Variants in ZFHX3 observed in about 807,000 individuals in gnomAD.
The protein encoded by ZFHX3 is zinc finger homeobox 3.
In ZFHX3, 42 loss-of-function variants were observed where a neutral mutation model predicts 279.1. The ratio of observed to expected loss-of-function variants is 0.15; its 90% CI spans 0.12 to 0.19. ZFHX3 has a LOEUF of 0.19. Among genes scored for constraint, ZFHX3 ranks in the 10% least tolerant of loss-of-function variants. The pLI is 1.00. For synonymous variants in ZFHX3, 2,293 were observed against 1,957.8 expected (o/e 1.17, Z -4.52); for missense variants, 4,981 against 4,754.0 (o/e 1.05, Z -1.40).
chr16:73,704,766 A>T (rs1324271935), intron 1 of ZFHX3, among the ~76,000 whole-genome samples: 1 of 152,206 alleles, frequency 6.6e-6, no homozygotes, highest in Non-Finnish European at 1.5e-5. Flanking sequence ...ATGATTTGTG[A>T]TCAAGCCAGT....
At chr16:73,618,564 G>C (rs945227128) in intron 2 of ZFHX3, among the ~76,000 whole-genome samples, 2 of 152,196 alleles carry the variant, frequency 1.3e-5, no homozygotes, top group Non-Finnish European at 2.9e-5. Context: ...ACCTTATGGA[G>C]AGATAAAAGA....
chr16:73,238,954 C>T (rs1351022951), intron 5 of ZFHX3, among the ~76,000 whole-genome samples: 1 of 152,128 alleles, frequency 6.6e-6, no homozygotes, highest in Non-Finnish European at 1.5e-5. Context: ...GGGTTACGTG[C>T]TACTGCAAGA....
At chr16:73,518,132 C>T (rs1003678202) in intron 2 of ZFHX3, among the ~76,000 whole-genome samples, 2 of 152,086 alleles carry the variant, frequency 1.3e-5, no homozygotes, top group Admixed American at 6.5e-5. Flanking sequence ...TTCAGGTGCT[C>T]GTTAGCCACA....
At chr16:73,796,846 G>T (rs1285576740) in intron 1 of ZFHX3, among the ~76,000 whole-genome samples, 1 of 152,178 alleles carries the variant, frequency 6.6e-6, no homozygotes, top group African/African-American at 2.4e-5. Context: ...CTTCCTTGTT[G>T]GGGCTGTAAC....
At chr16:73,595,206 A>C (rs752190228) in intron 2 of ZFHX3, among the ~76,000 whole-genome samples, 68 of 152,068 alleles carry the variant, frequency 4.5e-4, no homozygotes, top group Non-Finnish European at 8.1e-4. Context: ...CCTGTTACCC[A>C]AGCTCAAGAC....
intron 1 of ZFHX3, among the ~76,000 whole-genome samples, chr16:73,724,139 A>G: frequency 6.6e-6 from 1 of 152,196 alleles, no homozygotes; most frequent in African/African-American, 2.4e-5. Flanking sequence ...AAATATTTAA[A>G]TGTCCTTTCT....
intron 2 of ZFHX3, among the ~76,000 whole-genome samples, chr16:73,636,277 G>C (rs923709062): frequency 4.6e-5 from 7 of 152,136 alleles, no homozygotes; most frequent in African/African-American, 1.7e-4. Context: ...TCAACATAAT[G>C]AAGGATATTT....
In ZFHX3 at chr16:72,959,441, G is replaced by A. The variant is rs777145485; in HGVS notation, c.705C>T (p.Asp235=). The A allele has an allele frequency of 3.8e-5, 62 of 1,614,228 alleles. No homozygotes were observed. The highest frequency in any genetic ancestry group is 5.0e-5 in the Admixed American group (3 of 60,036). ...AATCCTTGTTGCTTTTGTGTCGCAC[G>A]TCAAACACGCGGAAGCTGTGCAGGA... ...SPVLHSFRVF[D]VRHKSNKDYL... Residue 235 remains aspartate (D), a synonymous_variant, in exon 2 of 10, where the codon GAC becomes GAT. Coordinates refer to ENST00000268489, the MANE Select transcript of ZFHX3 (RefSeq NM_006885.4).
At chr16:73,414,835 GAAACAAAACA>G (rs547434631) in intron 3 of ZFHX3, among the ~76,000 whole-genome samples, 1 of 152,148 alleles carries the variant, frequency 6.6e-6, no homozygotes, top group African/African-American at 2.4e-5. Flanking sequence ...GATCCCGTCT[GAAACAAAACA>G]AAACAAAACA....
chr16:73,549,834 A>G (rs1249853172), intron 2 of ZFHX3, among the ~76,000 whole-genome samples: 5 of 150,130 alleles, frequency 3.3e-5, no homozygotes, highest in Admixed American at 6.6e-5. Flanking sequence ...CTTTTTCTGG[A>G]TCGGACGAGC....
chr16:73,853,431 G>A (rs1166422977), intron 1 of ZFHX3, among the ~76,000 whole-genome samples: 1 of 152,092 alleles, frequency 6.6e-6, no homozygotes. Context: ...ATCAACCTAA[G>A]TATCCATCAA....
chr16:72,911,467 C>T lies in ZFHX3; in HGVS notation c.3217-21505G>A, dbSNP rs542679700. ...CATCTTTTTCCTTCGGAAAACTTACCTTCCTAATTAGGGCTTGCTGAATGC... is the reference window on the plus strand; with the variant it reads ...CATCTTTTTCCTTCGGAAAACTTACTTTCCTAATTAGGGCTTGCTGAATGC... On this transcript the variant is annotated intron_variant, in intron 3 of 9. Transcript: ENST00000268489. Among the ~76,000 whole-genome samples the T allele has an allele frequency of 2.0e-5, 3 of 152,222 alleles. No individual in the cohort carries two copies. The South Asian group carries it at 6.2e-4, about 32-fold the overall frequency.
chr16:73,329,603 T>G (rs1441491593), intron 3 of ZFHX3, among the ~76,000 whole-genome samples: 1 of 152,308 alleles, frequency 6.6e-6, no homozygotes, highest in East Asian at 1.9e-4. Context: ...ACTTATGACA[T>G]GTAATTGGTG....
At chr16:73,536,649 A>G (rs1177675031) in intron 2 of ZFHX3, among the ~76,000 whole-genome samples, 1 of 152,174 alleles carries the variant, frequency 6.6e-6, no homozygotes, top group Non-Finnish European at 1.5e-5. Context: ...TGTGTGTGCC[A>G]CCTAAAATGA....
chr16:73,855,966 A>G (rs1411303096), intron 1 of ZFHX3, among the ~76,000 whole-genome samples: 1 of 152,208 alleles, frequency 6.6e-6, no homozygotes, highest in Non-Finnish European at 1.5e-5. Context: ...TCAATACCCA[A>G]TAAACAGGGA....
intron 5 of ZFHX3, among the ~76,000 whole-genome samples, chr16:73,155,446 C>T (rs1429898254): frequency 6.6e-6 from 1 of 152,126 alleles, no homozygotes; most frequent in African/African-American, 2.4e-5. Flanking sequence ...CCTCAGCTTT[C>T]CATGGAAGTG....
intron 2 of ZFHX3, among the ~76,000 whole-genome samples, chr16:73,548,493 A>G (rs1179308077): frequency 6.6e-6 from 1 of 151,808 alleles, no homozygotes; most frequent in Non-Finnish European, 1.5e-5. Context: ...AAAAAGTGCA[A>G]TTATATAATA....
chr16:73,364,643 C>A (rs2016497771), intron 3 of ZFHX3, among the ~76,000 whole-genome samples: 1 of 152,150 alleles, frequency 6.6e-6, no homozygotes, highest in Admixed American at 6.5e-5. Context: ...GTCATCACGA[C>A]TCTAGCTGGT....
chr16:73,288,703 G>C (rs913593748), intron 4 of ZFHX3, among the ~76,000 whole-genome samples: 1 of 152,038 alleles, frequency 6.6e-6, no homozygotes, highest in Non-Finnish European at 1.5e-5. Flanking sequence ...TTCTGCAGCA[G>C]CTGCTGCCGC....
Sources: gnomAD v4.1 joint callset for allele counts (sites outside exome capture counted in the v4.1 genomes callset) on GRCh38, gnomAD v4.1.1 for gene constraint, MANE v1.5 for transcripts, NCBI Gene and HGNC (gene_info 2026-07-23, HGNC 2026-07-21) for gene names.